Variants in SERGEF observed in about 807,000 individuals in gnomAD.
The protein encoded by SERGEF is secretion-regulating guanine nucleotide exchange factor.
In SERGEF, 51 loss-of-function variants were observed where a neutral mutation model predicts 50.0. That is an observed-to-expected ratio of 1.02 (90% CI 0.81 to 1.29). SERGEF has a LOEUF of 1.29. SERGEF is among the 50% of genes most tolerant of loss of function. The probability of loss-of-function intolerance (pLI) is 0.00; values close to 1 mark genes in which losing one functional copy is unlikely to be tolerated. For synonymous variants in SERGEF, 205 were observed against 212.4 expected (o/e 0.97, Z 0.30); for missense variants, 521 against 557.0 (o/e 0.94, Z 0.65).
intron 9 of SERGEF, among the ~76,000 whole-genome samples, chr11:17,910,170 T>TACAC (rs143977376): frequency 2.0e-4 from 30 of 147,980 alleles, no homozygotes; most frequent in South Asian, 6.5e-4. Context: ...ATTTGCCACC[T>TACAC]ACACACACAC....
chr11:17,979,041 T>C (rs1212981580), intron 8 of SERGEF, among the ~76,000 whole-genome samples: 1 of 152,210 alleles, frequency 6.6e-6, no homozygotes, highest in Non-Finnish European at 1.5e-5. Context: ...TTCATCTCTC[T>C]AGCAGAGATG....
intron 3 of SERGEF, among the ~76,000 whole-genome samples, chr11:18,005,925 C>T (rs1854063383): frequency 1.3e-5 from 2 of 152,232 alleles, no homozygotes; most frequent in South Asian, 4.1e-4. Flanking sequence ...ACCACATTCC[C>T]TGTAAGTAAC....
chr11:17,944,056 T>C (rs549180499), intron 9 of SERGEF, among the ~76,000 whole-genome samples: 1 of 152,306 alleles, frequency 6.6e-6, no homozygotes, highest in East Asian at 1.9e-4. Flanking sequence ...GCCTTCCAAG[T>C]AGCTGAGACT....
intron 10 of SERGEF, among the ~76,000 whole-genome samples, chr11:17,869,744 A>C (rs1851103250): frequency 6.6e-6 from 1 of 152,216 alleles, no homozygotes; most frequent in African/African-American, 2.4e-5. Flanking sequence ...ACAAACATTC[A>C]GACTCTATAG....
At position 17,888,156 on chromosome 11, in the gene SERGEF, C is replaced by T. The variant is rs1851465485; in HGVS notation, c.1012-9912G>A. Among the ~76,000 whole-genome samples, 1 of 152,150 alleles carries T rather than the reference C, an allele frequency of 6.6e-6. No individual in the cohort carries two copies. The highest frequency in any genetic ancestry group is 6.5e-5 in the Admixed American group (1 of 15,278). ...GTTTCATCCCGAAACCATCCCATCCCCACCTCTTCCAGGAAACCGGCCCCT... is the reference window on the plus strand; with the variant it reads ...GTTTCATCCCGAAACCATCCCATCCTCACCTCTTCCAGGAAACCGGCCCCT... On this transcript the variant is annotated intron_variant, in intron 9 of 10. Transcript: ENST00000265965. The surrounding 1 kb of genome is among the most constrained non-coding windows in gnomAD (Gnocchi z 4.1).
At chr11:17,788,905 A>T (rs766536891) in intron 10 of SERGEF, among the ~76,000 whole-genome samples, 8 of 152,186 alleles carry the variant, frequency 5.3e-5, no homozygotes, top group Non-Finnish European at 1.2e-4. Context: ...GACAACTGCA[A>T]ATCTAATCAC....
At chr11:17,877,138 G>A (rs941231544) in intron 10 of SERGEF, among the ~76,000 whole-genome samples, 2 of 152,210 alleles carry the variant, frequency 1.3e-5, no homozygotes, top group East Asian at 1.9e-4. Flanking sequence ...GCTGTGAATC[G>A]GCAAGAAATG....
At chr11:17,917,978 C>T (rs2133936286) in intron 9 of SERGEF, among the ~76,000 whole-genome samples, 1 of 152,298 alleles carries the variant, frequency 6.6e-6, no homozygotes, top group East Asian at 1.9e-4. Flanking sequence ...AGGCACTGTC[C>T]TTTACACAGA....
At chr11:17,902,144 G>C (rs1008635939) in intron 9 of SERGEF, among the ~76,000 whole-genome samples, 16 of 152,114 alleles carry the variant, frequency 1.1e-4, no homozygotes, top group Non-Finnish European at 2.2e-4. Flanking sequence ...AGAAGGGAGA[G>C]AGGGATGGAG....
intron 8 of SERGEF, among the ~76,000 whole-genome samples, chr11:17,975,671 C>T (rs1463535061): frequency 6.6e-6 from 1 of 152,130 alleles, no homozygotes; most frequent in African/African-American, 2.4e-5. Context: ...ACAGAGGAGA[C>T]TGCAAGAGCA....
intron 9 of SERGEF, among the ~76,000 whole-genome samples, chr11:17,883,418 C>G (rs1271544767): frequency 1.3e-5 from 2 of 152,254 alleles, no homozygotes; most frequent in African/African-American, 4.8e-5. Flanking sequence ...AAACAGCTGA[C>G]TGGCTCTTAT....
At chr11:17,942,482 G>A (rs1474068559) in intron 9 of SERGEF, among the ~76,000 whole-genome samples, 1 of 151,934 alleles carries the variant, frequency 6.6e-6, no homozygotes, top group Non-Finnish European at 1.5e-5. Flanking sequence ...TTGCTAAATT[G>A]CCATTTTGGT....
At chr11:17,856,810 T>C (rs908925325) in intron 10 of SERGEF, 2 of 152,226 alleles carry the variant, frequency 1.3e-5, no homozygotes, top group Non-Finnish European at 2.9e-5. Context: ...GGTCACACAG[T>C]GTGTTGGCTT....
chr11:17,836,515 C>T (rs895531537), intron 10 of SERGEF, among the ~76,000 whole-genome samples: 5 of 152,298 alleles, frequency 3.3e-5, no homozygotes, highest in Non-Finnish European at 7.4e-5. Context: ...TAGACTATAG[C>T]TTTAAGACCT....
intron 10 of SERGEF, among the ~76,000 whole-genome samples, chr11:17,870,537 T>C (rs1357950645): frequency 2.6e-5 from 4 of 152,222 alleles, no homozygotes; most frequent in Admixed American, 6.5e-5. Flanking sequence ...TGCCAACAGC[T>C]TGATTTTAGC....
chr11:17,899,716 G>T (rs1364587331), intron 9 of SERGEF, among the ~76,000 whole-genome samples: 2 of 152,090 alleles, frequency 1.3e-5, no homozygotes, highest in African/African-American at 2.4e-5. Context: ...ACTTTGGGAG[G>T]CTGAGGCAGG....
At chr11:17,794,784 A>G (rs927887806) in intron 10 of SERGEF, among the ~76,000 whole-genome samples, 12 of 152,206 alleles carry the variant, frequency 7.9e-5, no homozygotes, top group Non-Finnish European at 1.6e-4. Flanking sequence ...TCTATTTAAT[A>G]TTATACTGTT....
chr11:17,845,405 C>T (rs919901303), intron 10 of SERGEF, among the ~76,000 whole-genome samples: 3 of 152,134 alleles, frequency 2.0e-5, no homozygotes, highest in South Asian at 2.1e-4. Flanking sequence ...GTTAGAAAAG[C>T]CAAGTGCAGA....
chr11:17,989,414 C>T (rs1194401202), intron 7 of SERGEF, among the ~76,000 whole-genome samples: 1 of 152,198 alleles, frequency 6.6e-6, no homozygotes, highest in South Asian at 2.1e-4. Flanking sequence ...AAATCACTTC[C>T]TCTCTAAGAC....
Sources: gnomAD v4.1 joint callset for allele counts (sites outside exome capture counted in the v4.1 genomes callset) on GRCh38, gnomAD v4.1.1 for gene constraint, Gnocchi (gnomAD v3.1) non-coding constraint, MANE v1.5 for transcripts, NCBI Gene and HGNC (gene_info 2026-07-23, HGNC 2026-07-21) for gene names.